CCDC126: variants seen among roughly 807,000 people sequenced by gnomAD.
The protein encoded by CCDC126 is coiled-coil domain-containing protein 126.
A neutral mutation model predicts 11.7 loss-of-function variants in CCDC126; 5 were observed. The observed-to-expected ratio is 0.43, with a 90% CI of 0.22 to 0.90. The LOEUF is 0.90. CCDC126 is among the 40% of genes least tolerant of loss of function. CCDC126 has a pLI of 0.27. For missense variants in CCDC126, 150 were observed against 163.1 expected, an observed-to-expected ratio of 0.92 and a Z score of 0.44; for synonymous variants, 60 against 61.9, an observed-to-expected ratio of 0.97 and a Z score of 0.14.
intron 3 of CCDC126, among the ~76,000 whole-genome samples, chr7:23,635,548 A>C (rs924242757): frequency 8.5e-5 from 13 of 152,222 alleles, no homozygotes; most frequent in South Asian, 2.1e-4. Context: ...AAGAAATAAG[A>C]GTTTTGTTCT....
chr7:23,600,352 C>A, intron 2 of CCDC126, among the ~76,000 whole-genome samples: 1 of 146,252 alleles, frequency 6.8e-6, no homozygotes, highest in African/African-American at 2.5e-5. Context: ...TATTATGGAG[C>A]GAATGGCTGT....
intron 3 of CCDC126, among the ~76,000 whole-genome samples, chr7:23,627,706 CTCCTGCTTCA>C (rs984449477): frequency 3.0e-4 from 45 of 152,102 alleles, no homozygotes; most frequent in Admixed American, 2.6e-4. Context: ...TCAAGTGATC[CTCCTGCTTCA>C]CCCTCCCTAG....
chr7:23,604,997 C>CA lies in CCDC126; in HGVS notation c.-145-6157dup, dbSNP rs35137744. Among the ~76,000 whole-genome samples the CA allele has an allele frequency of 3.1e-3, 288 of 92,506 alleles. 3 individuals carry two copies. The highest frequency in any genetic ancestry group is 0.014 in the Middle Eastern group (2 of 148). 60.7% of individuals were successfully genotyped at this position (92,506 alleles called of 152,430 possible). ...TGGGCGACAGAGCAAGACTTCGTCT[C>CA]AAAAAAAAAAAAAAAAAGAAAATGA... is the stretch of plus-strand genomic sequence containing the variant. On this transcript the variant is annotated intron_variant, in intron 2 of 3. Transcript: ENST00000307471.
At chr7:23,636,710 A>C (rs1410150358) in intron 3 of CCDC126, among the ~76,000 whole-genome samples, 1 of 133,942 alleles carries the variant, frequency 7.5e-6, no homozygotes, top group South Asian at 2.5e-4. Flanking sequence ...CCTGGCAGCC[A>C]CCCCGTCTGG....
intron 3 of CCDC126, chr7:23,619,193 G>C (rs1381476648): frequency 6.0e-6 from 1 of 165,668 alleles, no homozygotes; most frequent in Non-Finnish European, 1.3e-5. Flanking sequence ...AGGATGAATT[G>C]CTTCATAGAA....
intron 2 of CCDC126, among the ~76,000 whole-genome samples, chr7:23,604,762 T>A (rs562723852): frequency 2.8e-4 from 42 of 152,094 alleles, no homozygotes; most frequent in Non-Finnish European, 3.2e-4. Flanking sequence ...TTTGGGAGGC[T>A]GAGGCGGGTG....
intron 3 of CCDC126, among the ~76,000 whole-genome samples, chr7:23,634,253 C>T (rs967687121): frequency 3.9e-5 from 6 of 152,122 alleles, no homozygotes; most frequent in Admixed American, 6.5e-5. Flanking sequence ...CAAGAGTAGT[C>T]CAGGCAACAT....
intron 3 of CCDC126, among the ~76,000 whole-genome samples, chr7:23,624,879 C>T (rs138118328): frequency 6.6e-6 from 1 of 152,172 alleles, no homozygotes; most frequent in Non-Finnish European, 1.5e-5. Context: ...ATCTCATGCT[C>T]TTGCCCAGGC....
At position 23,601,974 on chromosome 7, in the gene CCDC126, C is replaced by T. The variant is rs982491750; in HGVS notation, c.-146+3923C>T. 2.6e-5 allele frequency: 4 copies of T among 152,286 alleles called. No homozygotes were observed. In the South Asian group the frequency reaches 8.3e-4, roughly 32 times the overall value. The allele number at this position is 152,286 out of a possible 1,614,324, so 9.4% of individuals were successfully genotyped here. A position where few individuals can be genotyped will look rare whatever the true frequency, so the allele number is the denominator to read the frequency against. On this transcript the variant is annotated intron_variant, in intron 2 of 3. Transcript: ENST00000307471. ...GTGCTGGGATTACAAGTGTGAACCA[C>T]CATGCCCAGCCTGTTTTACTTTTCT...
At chr7:23,633,729 C>T (rs895045833) in intron 3 of CCDC126, among the ~76,000 whole-genome samples, 6 of 152,186 alleles carry the variant, frequency 3.9e-5, no homozygotes, top group African/African-American at 1.4e-4. Flanking sequence ...GTGGTGGGCA[C>T]CTGTAATCCC....
At chr7:23,627,558 ACT>A (rs1471943949) in intron 3 of CCDC126, among the ~76,000 whole-genome samples, 4 of 149,608 alleles carry the variant, frequency 2.7e-5, no homozygotes, top group Middle Eastern at 3.2e-3. Context: ...CGAGAGTGAG[ACT>A]CTGTCTCAGA....
At chr7:23,607,492 T>C (rs1034454796) in intron 2 of CCDC126, among the ~76,000 whole-genome samples, 1 of 152,208 alleles carries the variant, frequency 6.6e-6, no homozygotes, top group Admixed American at 6.5e-5. Context: ...TTTTCTTTCC[T>C]AAGGATGGAG....
chr7:23,598,122 G>A (rs1191016590), intron 2 of CCDC126, 71 bp downstream of exon 2: 3 of 152,238 alleles, frequency 2.0e-5, no homozygotes, highest in Non-Finnish European at 2.9e-5. Flanking sequence ...AGCCAGCTAG[G>A]GTTCGAATCC....
chr7:23,642,072 C>T (rs902016686), intron 3 of CCDC126, among the ~76,000 whole-genome samples: 35 of 152,218 alleles, frequency 2.3e-4, no homozygotes, highest in African/African-American at 7.7e-4. Flanking sequence ...AGTGCAGTGG[C>T]GCTATCTCTG....
chr7:23,630,439 A>G (rs1783089574), intron 3 of CCDC126, among the ~76,000 whole-genome samples: 3 of 152,150 alleles, frequency 2.0e-5, no homozygotes, highest in African/African-American at 7.2e-5. Context: ...CAGAGGTTGC[A>G]GTGAGCCGAG....
chr7:23,635,346 A>G (rs1213810946), intron 3 of CCDC126, among the ~76,000 whole-genome samples: 4 of 152,228 alleles, frequency 2.6e-5, no homozygotes, highest in Admixed American at 6.5e-5. Context: ...TTCAAGGTCT[A>G]AGATAGGGAA....
chr7:23,633,817 C>T (rs140279880), intron 3 of CCDC126, among the ~76,000 whole-genome samples: 234 of 152,074 alleles, frequency 1.5e-3, no homozygotes, highest in Middle Eastern at 3.4e-3. Flanking sequence ...TGTACCACAG[C>T]ACTCCAGCCT....
At position 23,643,668 on chromosome 7, in the gene CCDC126, A is replaced by G. The variant is rs1783405851; in HGVS notation, c.*553A>G. On this transcript the variant is annotated 3_prime_UTR_variant, in exon 4 of 4. Coordinates refer to ENST00000307471, the MANE Select transcript of CCDC126 (RefSeq NM_138771.4). ...AAATCATGACCCAAAGAATGTATTGATTTGCACTATCCTTCAGAATAACTG... is the reference window on the plus strand; with the variant it reads ...AAATCATGACCCAAAGAATGTATTGGTTTGCACTATCCTTCAGAATAACTG... The G allele has an allele frequency of 6.6e-6, 1 of 152,634 alleles. No homozygotes were observed. Among genetic ancestry groups the G allele is most frequent in the Non-Finnish European group, 1.5e-5 (1 of 68,032 alleles). The allele number at this position is 152,634 out of a possible 1,614,324, so 9.5% of individuals were successfully genotyped here.
At position 23,602,809 on chromosome 7, in the gene CCDC126, A is replaced by G. The variant is rs188836847; in HGVS notation, c.-146+4758A>G. Among the ~76,000 whole-genome samples the G allele has an allele frequency of 2.8e-4, 43 of 151,364 alleles. No individual in the cohort carries two copies. In the East Asian group the frequency reaches 5.6e-3, roughly 20 times the overall value. The stretch of plus-strand genomic sequence containing the variant: ...ACATCACCATTTTTTTTTTTTCTTC[A>G]TAGCAGTTTATCACAAACTGAGATA... On this transcript the variant is annotated intron_variant, in intron 2 of 3. Coordinates refer to ENST00000307471, the MANE Select transcript of CCDC126 (RefSeq NM_138771.4).
Sources: allele counts gnomAD v4.1 joint callset (sites outside exome capture counted in the v4.1 genomes callset), GRCh38; gene constraint gnomAD v4.1.1; transcripts MANE v1.5; gene names NCBI Gene and HGNC (gene_info 2026-07-23, HGNC 2026-07-21).